MAMDC4: variants seen among roughly 807,000 people sequenced by gnomAD.
MAMDC4 encodes MAM domain containing 4.
A neutral mutation model predicts 153.3 loss-of-function variants in MAMDC4; 168 were observed. The ratio of observed to expected loss-of-function variants is 1.10; its 90% CI spans 0.97 to 1.25. MAMDC4 has a LOEUF of 1.25. MAMDC4 is among the 50% of genes most tolerant of loss of function. The pLI, the probability that MAMDC4 is intolerant of heterozygous loss-of-function variation, is 0.00. For synonymous variants in MAMDC4, 744 were observed against 651.5 expected, an observed-to-expected ratio of 1.14 and a Z score of -2.16; for missense variants, 1,701 against 1,542.8, an observed-to-expected ratio of 1.10 and a Z score of -1.72.
chr9:136,854,382 C>T, intron 7 of MAMDC4, 46 bp downstream of exon 7: 4 of 1,498,778 alleles, frequency 2.7e-6, no homozygotes. Flanking sequence ...AGACTGGACG[C>T]CTCGGTGGGG....
Position 136,855,545 on chromosome 9 carries a change from A to G in MAMDC4, c.1397A>G (p.Asp466Gly). The G allele has an allele frequency of 6.3e-7, 1 of 1,591,290 alleles. No individual in the cohort carries two copies. Among genetic ancestry groups the G allele is most frequent in the South Asian group, 1.1e-5 (1 of 88,108 alleles). ...SCKQGHLACG[D>G]LCVPPEQLCD... ...AAGCAGGGGCATCTTGCCTGCGGGGACCTGTGTGTGCCCCCGGAACAACTG... is the reference window on the plus strand; with the variant it reads ...AAGCAGGGGCATCTTGCCTGCGGGGGCCTGTGTGTGCCCCCGGAACAACTG... The change falls in exon 12 of 27, where the codon GAC becomes GGC. Residue 466 changes from aspartate to glycine, a missense_variant. Coordinates refer to ENST00000317446, the MANE Select transcript of MAMDC4 (RefSeq NM_206920.3).
At position 136,854,549 on chromosome 9, in the gene MAMDC4, A is replaced by G; in HGVS notation, c.807A>G (p.Ile269Met). Residue 269 changes from isoleucine (I) to methionine (M), a missense_variant, in exon 8 of 27, where the codon ATA (isoleucine) becomes ATG (methionine). Transcript: ENST00000317446. ...DENPLTCGRH[I>M]ATDFETGLGP... is the part of the protein sequence containing the mutation. ...CACCTCCTGCCCTAGGCCGCCACAT[A>G]GCCACCGACTTTGAGACAGGCCTGG... The G allele has an allele frequency of 6.2e-7, 1 of 1,605,568 alleles. No homozygotes were observed. Among genetic ancestry groups the G allele is most frequent in the Non-Finnish European group, 8.5e-7 (1 of 1,177,094 alleles).
rs752843473 is a variant in MAMDC4, at chr9:136,854,291, GA to G, written c.753del (p.Asp252ThrfsTer18). On this transcript the variant is annotated frameshift_variant, in exon 7 of 27. Transcript: ENST00000317446. LOFTEE classifies it high-confidence loss of function. ...CVEPQQLCDG[E>X]DNCGDLSDEN... ...GGAGCCCCAGCAGCTGTGCGACGGGGAAGACAACTGCGGGGACCTGTCTGAT... is the reference window on the plus strand; with the variant it reads ...GGAGCCCCAGCAGCTGTGCGACGGGGAGACAACTGCGGGGACCTGTCTGAT... The G allele has an allele frequency of 1.2e-6, 2 of 1,603,794 alleles. No individual in the cohort carries two copies. Among genetic ancestry groups the G allele is most frequent in the African/African-American group, 2.7e-5 (2 of 74,814 alleles).
chr9:136,852,412 C>T lies in MAMDC4; in HGVS notation c.-5C>T. The T allele has an allele frequency of 6.2e-7, 1 of 1,609,692 alleles. No individual in the cohort carries two copies. The highest frequency in any genetic ancestry group is 1.3e-5 in the African/African-American group (1 of 75,070). ...TGTGGCCGCACTGCTCCCTCTGGCCCAACCATGCCTCTGTCCAGCCACCTG... is the reference window on the plus strand; with the variant it reads ...TGTGGCCGCACTGCTCCCTCTGGCCTAACCATGCCTCTGTCCAGCCACCTG... On this transcript the variant is annotated 5_prime_UTR_variant, in exon 1 of 27. Coordinates refer to ENST00000317446, the MANE Select transcript of MAMDC4 (RefSeq NM_206920.3).
intron 12 of MAMDC4, 31 bp downstream of exon 12, chr9:136,855,650 T>C: frequency 6.4e-7 from 1 of 1,566,442 alleles, no homozygotes; most frequent in Non-Finnish European, 8.7e-7. Flanking sequence ...GCAGACCTCC[T>C]GCTGCGGAGC....
At chr9:136,856,418 G>C (rs768365316) in intron 14 of MAMDC4, 1 of 792,428 alleles carries the variant, frequency 1.3e-6, no homozygotes, top group Non-Finnish European at 2.3e-6. Flanking sequence ...CTCCGCTGGA[G>C]CGGGCCCTGA....
In MAMDC4 at chr9:136,857,796, G is replaced by T; in HGVS notation, c.2464G>T (p.Gly822Cys). ...FWYHGSLRSP[G>C]TLRVYLEERG... ...GTACCACGGGAGCCTCCGCAGCCCA[G>T]GTGAGGGGCTTTGGGAGGGGGCCCC... Residue 822 changes from glycine (G) to cysteine (C), a missense_variant and splice_region_variant, in exon 19 of 27, where the codon GGC becomes TGC. Coordinates refer to ENST00000317446, the MANE Select transcript of MAMDC4 (RefSeq NM_206920.3). 2 of 1,611,806 alleles carry T rather than the reference G, an allele frequency of 1.2e-6. No individual in the cohort carries two copies. The highest frequency in any genetic ancestry group is 1.7e-6 in the Non-Finnish European group (2 of 1,179,476).
chr9:136,859,349 G>T (rs1321895006), intron 25 of MAMDC4, 32 bp downstream of exon 25: 12 of 1,578,720 alleles, frequency 7.6e-6, no homozygotes, highest in Middle Eastern at 1.9e-4. Context: ...AGGCACGGAG[G>T]AGGGCCCAAG....
intron 14 of MAMDC4, 95 bp downstream of exon 14, chr9:136,856,244 C>G: frequency 3.1e-6 from 5 of 1,587,636 alleles, no homozygotes; most frequent in Non-Finnish European, 4.3e-6. Context: ...GTGCCCCCCG[C>G]CCCGCTGGCC....
In MAMDC4 at chr9:136,856,806, A is replaced by C. The variant is rs1403799287; in HGVS notation, c.1817A>C (p.His606Pro). The C allele has an allele frequency of 6.2e-7, 1 of 1,611,930 alleles. No homozygotes were observed. The highest frequency in any genetic ancestry group is 8.5e-7 in the Non-Finnish European group (1 of 1,179,566). The change falls in exon 15 of 27, where the codon CAC becomes CCC. Residue 606 changes from histidine to proline, a missense_variant. Physicochemically the swap from His to Pro is moderately conservative, Grantham distance 77. Transcript: ENST00000317446. The part of the protein sequence containing the change: ...WRWVESRGPD[H>P]DHTTGQGHFV... ...TGGGTGGAGAGCCGCGGCCCTGACC[A>C]CGACCACACCACAGGCCAAGGTAGG...
Position 136,856,730 on chromosome 9 carries a change from C to A in MAMDC4, c.1741C>A (p.Arg581=). Reference sequence around the variant, plus strand: ...CCCAGAGGTCTCCTGTAACTTTGAGCGGGACACATGCAGCTGGTACCCAGG... The same window carrying A: ...CCCAGAGGTCTCCTGTAACTTTGAGAGGGACACATGCAGCTGGTACCCAGG... The part of the protein sequence containing the change: ...QPREVSCNFE[R]DTCSWYPGHL... Residue 581 remains arginine (R), a synonymous_variant, in exon 15 of 27, where the codon CGG becomes AGG. Transcript: ENST00000317446. 1 of 1,612,330 alleles carries A rather than the reference C, an allele frequency of 6.2e-7. No individual in the cohort carries two copies. Among genetic ancestry groups the A allele is most frequent in the Non-Finnish European group, 8.5e-7 (1 of 1,179,742 alleles).
At position 136,857,399 on chromosome 9, in the gene MAMDC4, C is replaced by T. The variant is rs775813492; in HGVS notation, c.2139C>T (p.His713=). ...TCGAGGGCCTCCGGGACGGATACCA[C>T]GGCACCATGGCGCTGGACGATGTGG... is the stretch of plus-strand genomic sequence containing the variant. ...LLFEGLRDGY[H]GTMALDDVAV... The change falls in exon 18 of 27, where the codon CAC becomes CAT. Residue 713 remains histidine, a synonymous_variant. Transcript: ENST00000317446. The T allele has an allele frequency of 1.4e-5, 23 of 1,608,032 alleles. No homozygotes were observed. The highest frequency in any genetic ancestry group is 3.3e-4 in the Middle Eastern group (2 of 6,084).
Position 136,860,608 on chromosome 9 carries a change from C to A in MAMDC4, c.*5C>A, listed in dbSNP as rs1849077303. Reference sequence around the variant, plus strand: ...TCTGTCACCAGTGATCCGTAGACCACCCCAGACAAGGCCCCGCTTCCTCAC... The same window carrying A: ...TCTGTCACCAGTGATCCGTAGACCAACCCAGACAAGGCCCCGCTTCCTCAC... On this transcript the variant is annotated 3_prime_UTR_variant, in exon 27 of 27. Transcript: ENST00000317446. The A allele has an allele frequency of 6.2e-7, 1 of 1,613,272 alleles. No homozygotes were observed. Among genetic ancestry groups the A allele is most frequent in the East Asian group, 2.2e-5 (1 of 44,880 alleles).
rs983520776 is a variant in MAMDC4, at chr9:136,852,353, G to A, written c.-64G>A. 3.0e-5 allele frequency: 47 copies of A among 1,586,630 alleles called. 1 individual carries two copies. In the Admixed American group the frequency reaches 7.0e-4, roughly 24 times the overall value. ...GAGTCAGCGTGCGGGGCCAGCGCAG[G>A]CTGATAACCGCACGGAACTTCCCAG... On this transcript the variant is annotated 5_prime_UTR_variant, in exon 1 of 27. Transcript: ENST00000317446.
chr9:136,857,579 A>G lies in MAMDC4; in HGVS notation c.2319A>G (p.Thr773=). 1 of 1,612,552 alleles carries G rather than the reference A, an allele frequency of 6.2e-7. No homozygotes were observed. Among genetic ancestry groups the G allele is most frequent in the Non-Finnish European group, 8.5e-7 (1 of 1,179,936 alleles). The change falls in exon 18 of 27, where the codon ACA becomes ACG. Residue 773 remains threonine, a synonymous_variant. Coordinates refer to ENST00000317446, the MANE Select transcript of MAMDC4 (RefSeq NM_206920.3). ...WGPPTDHTTE[T]AQGHYMVVDT... ...CCCCAACAGACCATACCACTGAGAC[A>G]GCCCAAGGTATGGGGGCCTGGCAGG...
At position 136,853,179 on chromosome 9, in the gene MAMDC4, T is replaced by G. The variant is rs1848951053; in HGVS notation, c.124T>G (p.Cys42Gly). 1 of 1,612,720 alleles carries G rather than the reference T, an allele frequency of 6.2e-7. No individual in the cohort carries two copies. Among genetic ancestry groups the G allele is most frequent in the African/African-American group, 1.3e-5 (1 of 74,940 alleles). ...GQAVCNFVCD[C>G]RDCSDEAQCG... ...GGCCGTGTGCAACTTCGTGTGTGACTGCAGGGACTGCTCAGATGAGGCCCA... is the reference window on the plus strand; with the variant it reads ...GGCCGTGTGCAACTTCGTGTGTGACGGCAGGGACTGCTCAGATGAGGCCCA... Residue 42 changes from cysteine to glycine, a missense_variant, in exon 2 of 27, where the codon TGC becomes GGC. Physicochemically the swap from Cys to Gly is radical, Grantham distance 159. Transcript: ENST00000317446.
In MAMDC4 at chr9:136,858,018, A is replaced by C. The variant is rs1431178302; in HGVS notation, c.2504A>C (p.Gln835Pro). 6.6e-7 allele frequency: 1 copy of C among 1,525,938 alleles called. No homozygotes were observed. Among genetic ancestry groups the C allele is most frequent in the African/African-American group, 1.4e-5 (1 of 72,516 alleles). 94.5% of individuals were successfully genotyped at this position (1,525,938 alleles called of 1,614,324 possible). The change falls in exon 20 of 27, where the codon CAG (glutamine) becomes CCG (proline). Residue 835 changes from glutamine (Q) to proline (P), a missense_variant. Gln to Pro is a moderately conservative substitution (Grantham distance 76). Transcript: ENST00000317446. ...RVYLEERGRH[Q>P]VLSLSAHGGL... Reference sequence around the variant, plus strand: ...TACCTGGAGGAGCGCGGGAGGCACCAGGTGCTCAGCCTCAGTGCCCACGGC... The same window carrying C: ...TACCTGGAGGAGCGCGGGAGGCACCCGGTGCTCAGCCTCAGTGCCCACGGC...
In MAMDC4 at chr9:136,852,384, C is replaced by G. The variant is rs1348487960; in HGVS notation, c.-33C>G. Reference sequence around the variant, plus strand: ...AACCGCACGGAACTTCCCAGGCACCCTGTGTGGCCGCACTGCTCCCTCTGG... The same window carrying G: ...AACCGCACGGAACTTCCCAGGCACCGTGTGTGGCCGCACTGCTCCCTCTGG... On this transcript the variant is annotated 5_prime_UTR_variant, in exon 1 of 27. Coordinates refer to ENST00000317446, the MANE Select transcript of MAMDC4 (RefSeq NM_206920.3). 3 of 1,606,940 alleles carry G rather than the reference C, an allele frequency of 1.9e-6. No homozygotes were observed. The highest frequency in any genetic ancestry group is 1.7e-5 in the Admixed American group (1 of 60,008).
At position 136,854,949 on chromosome 9, in the gene MAMDC4, C is replaced by T. The variant is rs1848981366; in HGVS notation, c.1036C>T (p.Gln346Ter). Residue 346 changes from glutamine to a stop codon, truncating the protein, a stop_gained, in exon 10 of 27, where the codon CAG becomes TAG. Coordinates refer to ENST00000317446, the MANE Select transcript of MAMDC4 (RefSeq NM_206920.3). LOFTEE classifies it high-confidence loss of function. ...CTTGGTTCCACAGCTGGTCTTCTAT[C>T]AGTACCTGAGTGGGTCTGAGGCTGG... ...GTSNCSLVFYQYLSGSEAGCL... is the reference protein window; with the variant it reads ...GTSNCSLVFY 2 of 1,611,110 alleles carry T rather than the reference C, an allele frequency of 1.2e-6. No individual in the cohort carries two copies. Among genetic ancestry groups the T allele is most frequent in the Admixed American group, 1.7e-5 (1 of 59,892 alleles).
Sources: gnomAD v4.1 joint callset for allele counts on GRCh38, gnomAD v4.1.1 for gene constraint, MANE v1.5 for transcripts, NCBI Gene and HGNC (gene_info 2026-07-23, HGNC 2026-07-21) for gene names.